The following UST variants were observed in gnomAD, a reference collection of about 807,000 sequenced individuals.
UST encodes the protein uronyl 2-sulfotransferase, also known as chondroitin sulfate 2-O-sulfotransferase.
In UST, 21 loss-of-function variants were observed where a neutral mutation model predicts 45.6. The ratio of observed to expected loss-of-function variants is 0.46; its 90% CI spans 0.33 to 0.66. The LOEUF is 0.66. Among genes scored for constraint, UST ranks in the 30% least tolerant of loss-of-function variants. The pLI is 0.02. For missense variants in UST, 463 were observed against 512.4 expected (o/e 0.90, Z 0.93); for synonymous variants, 215 against 200.6 (o/e 1.07, Z -0.61).
chr6:148,977,020 C>T (rs943421750), intron 5 of UST, among the ~76,000 whole-genome samples: 2 of 151,984 alleles, frequency 1.3e-5, no homozygotes, highest in African/African-American at 2.4e-5. Context: ...TTTAATACTT[C>T]TGAAATTTAT....
chr6:148,871,792 A>G (rs886625517), intron 1 of UST, among the ~76,000 whole-genome samples: 3 of 152,204 alleles, frequency 2.0e-5, no homozygotes, highest in Admixed American at 6.5e-5. Context: ...ACTCACTCCA[A>G]TTCAGGTTTG....
intron 2 of UST, among the ~76,000 whole-genome samples, chr6:148,919,417 C>CGT (rs71007929): frequency 0.028 from 4,140 of 148,094 alleles, 80 homozygotes; most frequent in Admixed American, 0.058. Context: ...GTGTCAGAGC[C>CGT]GTGTGTGTGT....
intron 4 of UST, among the ~76,000 whole-genome samples, chr6:148,960,740 A>G (rs189872398): frequency 6.6e-6 from 1 of 152,356 alleles, no homozygotes; most frequent in East Asian, 1.9e-4. Flanking sequence ...TCTTAGAAGA[A>G]CAGGATATAC....
At chr6:148,979,580 C>A (rs566973508) in intron 5 of UST, among the ~76,000 whole-genome samples, 30 of 152,180 alleles carry the variant, frequency 2.0e-4, no homozygotes, top group Non-Finnish European at 3.7e-4. Flanking sequence ...GTACTTTGAG[C>A]AGTTTTCAGT....
At chr6:149,021,280 AAATATG>A in intron 6 of UST, 38 bp from the exon 7 acceptor site, 2 of 1,546,392 alleles carry the variant, frequency 1.3e-6, no homozygotes, top group South Asian at 1.2e-5. Context: ...GCTGCATTTC[AAATATG>A]AATGTCTGAT....
chr6:148,964,626 G>T, intron 5 of UST, 63 bp downstream of exon 5: 37 of 1,593,650 alleles, frequency 2.3e-5, no homozygotes, highest in Non-Finnish European at 3.0e-5. Context: ...CCTCCACCAG[G>T]GAAGGTTCAC....
intron 2 of UST, among the ~76,000 whole-genome samples, chr6:148,921,122 T>C (rs1779697264): frequency 6.6e-6 from 1 of 152,162 alleles, no homozygotes; most frequent in Non-Finnish European, 1.5e-5. Context: ...ACAAGGAAGG[T>C]TTAAATAACA....
rs192292234 is a variant in UST at position 149,041,751 on chromosome 6, A to G, written c.937+20270A>G. On this transcript the variant is annotated intron_variant, in intron 7 of 7. Transcript: ENST00000367463. ...ATCTTCCTGGACAGATTCCCCCGCT[A>G]CATGCCTGCCTCCAGGCCTCCATTC... is the stretch of plus-strand genomic sequence containing the variant. Among the ~76,000 whole-genome samples the G allele has an allele frequency of 3.3e-5, 5 of 152,272 alleles. No individual in the cohort carries two copies. The East Asian group carries it at 9.6e-4, about 29-fold the overall frequency.
chr6:148,974,760 T>C (rs1411886573), intron 5 of UST, among the ~76,000 whole-genome samples: 2 of 152,244 alleles, frequency 1.3e-5, no homozygotes, highest in Non-Finnish European at 2.9e-5. Flanking sequence ...GGGTAAGGCA[T>C]TGGCTCCTAA....
At chr6:148,818,395 T>G (rs892698001) in intron 1 of UST, among the ~76,000 whole-genome samples, 1 of 152,190 alleles carries the variant, frequency 6.6e-6, no homozygotes, top group African/African-American at 2.4e-5. Flanking sequence ...TGCAATTAAG[T>G]AACCTAGAGA....
chr6:148,954,914 A>G (rs1780453593), intron 4 of UST, among the ~76,000 whole-genome samples: 1 of 152,138 alleles, frequency 6.6e-6, no homozygotes, highest in East Asian at 1.9e-4. Context: ...TTTCATTAGC[A>G]TAGGTTGATT....
Position 149,073,974 on chromosome 6 carries a change from G to A in UST, c.1079G>A (p.Arg360His), listed in dbSNP as rs61740852. ...AAAGAGCAGTTCCACCTGCTGAAGC[G>A]CAAGTTTGGACTTAAGTCTCACGTC... The part of the protein sequence containing the change: ...YVKEQFHLLK[R>H]KFGLKSHVSK... Residue 360 changes from arginine (R) to histidine (H), a missense_variant, in exon 8 of 8, where the codon CGC becomes CAC. Coordinates refer to ENST00000367463, the MANE Select transcript of UST (RefSeq NM_005715.3). 474 of 1,614,138 alleles carry A rather than the reference G, an allele frequency of 2.9e-4. 3 individuals are homozygous for A. Among genetic ancestry groups the A allele is most frequent in the South Asian group, 2.2e-3 (202 of 91,082 alleles).
chr6:148,865,915 T>C (rs996262799), intron 1 of UST, among the ~76,000 whole-genome samples: 1 of 152,144 alleles, frequency 6.6e-6, no homozygotes, highest in Non-Finnish European at 1.5e-5. Flanking sequence ...GGCTTTTAAA[T>C]TGAGAAAGCA....
chr6:148,851,404 CTAGAAAA>C (rs1778102467), intron 1 of UST, among the ~76,000 whole-genome samples: 1 of 152,048 alleles, frequency 6.6e-6, no homozygotes, highest in Non-Finnish European at 1.5e-5. Context: ...AAATCTTGAA[CTAGAAAA>C]ACCAAGGTAG....
At chr6:149,010,913 A>AAAAAAAAAAAAAAAAAAAAAAAAAAAAAC (rs755674810) in intron 5 of UST, among the ~76,000 whole-genome samples, 4 of 92,966 alleles carry the variant, frequency 4.3e-5, no homozygotes, top group African/African-American at 1.3e-4. Context: ...AAAAAAAAAA[A>AAAAAAAAAAAAAAAAAAAAAAAAAAAAAC]AAAAAACTGT....
At chr6:148,955,723 TG>T (rs1780480606) in intron 4 of UST, 1 of 152,282 alleles carries the variant, frequency 6.6e-6, no homozygotes, top group African/African-American at 2.4e-5. Flanking sequence ...TGATCCTTGC[TG>T]TTCTAGCGCG....
chr6:148,960,054 C>T (rs373892185), intron 4 of UST, among the ~76,000 whole-genome samples: 168 of 152,002 alleles, frequency 1.1e-3, no homozygotes, highest in African/African-American at 4.0e-3. Context: ...TTTGGGAGGC[C>T]GAGGCAGGCG....
chr6:149,025,334 T>A (rs149711235), intron 7 of UST, among the ~76,000 whole-genome samples: 19 of 152,358 alleles, frequency 1.2e-4, no homozygotes, highest in African/African-American at 4.6e-4. Context: ...ACAGTCATTT[T>A]ATGTTAATAT....
chr6:148,792,465 A>C (rs1776868065), intron 1 of UST, among the ~76,000 whole-genome samples: 1 of 152,090 alleles, frequency 6.6e-6, no homozygotes, highest in Admixed American at 6.6e-5. Flanking sequence ...GACACTTCGG[A>C]CTGGAGATCA....
Sources: allele counts gnomAD v4.1 joint callset (sites outside exome capture counted in the v4.1 genomes callset), GRCh38; gene constraint gnomAD v4.1.1; transcripts MANE v1.5; gene names NCBI Gene and HGNC (gene_info 2026-07-23, HGNC 2026-07-21).